Variants in C2orf76 observed in about 807,000 individuals in gnomAD.
The protein encoded by C2orf76 is chromosome 2 open reading frame 76, also known as UPF0538 protein C2orf76.
Under a neutral mutation model 16.9 loss-of-function variants are expected in C2orf76, and 23 were observed. The observed-to-expected ratio is 1.36, with a 90% CI of 0.98 to 1.93. C2orf76 has a LOEUF of 1.93. Ranked by LOEUF, C2orf76 falls within the 30% of genes most tolerant of loss-of-function variation. C2orf76 has a pLI of 0.00. For missense variants in C2orf76, 152 were observed against 152.6 expected, an observed-to-expected ratio of 1.00 and a Z score of 0.02; for synonymous variants, 48 against 52.3, an observed-to-expected ratio of 0.92 and a Z score of 0.35.
At chr2:119,303,086 C>T (rs949118451) in intron 5 of C2orf76, among the ~76,000 whole-genome samples, 1 of 152,162 alleles carries the variant, frequency 6.6e-6, no homozygotes. Context: ...TTTTGCCCTG[C>T]TTATGATTAA....
chr2:119,311,820 A>T (rs1478821416), intron 4 of C2orf76, 117 bp from the exon 5 acceptor site: 1 of 958,596 alleles, frequency 1.0e-6, no homozygotes, highest in African/African-American at 1.7e-5. Context: ...AGTAGATTCC[A>T]CTGCCCTGGC....
Sources: allele counts gnomAD v4.1 joint callset (sites outside exome capture counted in the v4.1 genomes callset), GRCh38; gene constraint gnomAD v4.1.1; transcripts MANE v1.5; gene names NCBI Gene and HGNC (gene_info 2026-07-23, HGNC 2026-07-21).